The following PDE11A variants were observed in gnomAD, a reference collection of about 807,000 sequenced individuals.
PDE11A encodes the protein phosphodiesterase 11A.
PDE11A carries 100 observed loss-of-function variants against 100.5 expected under a neutral mutation model. The ratio of observed to expected loss-of-function variants is 1.00; its 90% CI spans 0.85 to 1.18. PDE11A has a LOEUF of 1.18. Among genes scored for constraint, PDE11A ranks in the 50% most tolerant of loss-of-function variants. PDE11A has a pLI of 0.00. For missense variants in PDE11A, 1,141 were observed against 1,152.6 expected, an observed-to-expected ratio of 0.99 and a Z score of 0.15; for synonymous variants, 381 against 420.8, an observed-to-expected ratio of 0.91 and a Z score of 1.16.
chr2:177,876,419 C>T (rs2084242778), intron 4 of PDE11A, among the ~76,000 whole-genome samples: 2 of 148,088 alleles, frequency 1.4e-5, no homozygotes, highest in Non-Finnish European at 1.5e-5. Flanking sequence ...GAGGAAGCCA[C>T]CTTATTCAAC....
At chr2:177,968,828 A>G (rs1265097973) in intron 2 of PDE11A, among the ~76,000 whole-genome samples, 3 of 152,242 alleles carry the variant, frequency 2.0e-5, no homozygotes, top group Admixed American at 1.3e-4. Flanking sequence ...TGGGAGGGTA[A>G]ATTAGTTCAA....
chr2:178,020,121 T>G (rs1231248006), intron 1 of PDE11A, among the ~76,000 whole-genome samples: 1 of 152,174 alleles, frequency 6.6e-6, no homozygotes, highest in Non-Finnish European at 1.5e-5. Flanking sequence ...TAAAACCTAT[T>G]GATGGGAAAT....
intron 16 of PDE11A, chr2:177,678,013 A>T (rs113728858): frequency 1.3e-5 from 2 of 152,374 alleles, no homozygotes; most frequent in African/African-American, 4.8e-5. Context: ...AATTGAGTAC[A>T]AAGATTTTGT....
rs573774381 is a variant in PDE11A at position 177,741,874 on chromosome 2, G to GA, written c.1789-13703dup. 7.5e-4 allele frequency among the ~76,000 whole-genome samples: 114 copies of GA among 151,940 alleles called. 1 individual carries two copies. Among genetic ancestry groups the GA allele is most frequent in the Admixed American group, 6.8e-3 (103 of 15,252 alleles). ...GCCTAGGCAAGATCCTATCTGTACA[G>GA]AAAAAAAATTAGCCGGGCACAGTGG... is the stretch of plus-strand genomic sequence containing the variant. On this transcript the variant is annotated intron_variant, in intron 10 of 19. Coordinates refer to ENST00000286063, the MANE Select transcript of PDE11A (RefSeq NM_016953.4).
At chr2:177,988,225 T>C (rs1409625174) in intron 2 of PDE11A, among the ~76,000 whole-genome samples, 1 of 152,238 alleles carries the variant, frequency 6.6e-6, no homozygotes, top group Non-Finnish European at 1.5e-5. Context: ...CACCTCTTGA[T>C]GCTTCCATGG....
intron 9 of PDE11A, among the ~76,000 whole-genome samples, chr2:177,771,792 G>T (rs1483314811): frequency 6.6e-6 from 1 of 151,902 alleles, no homozygotes; most frequent in Non-Finnish European, 1.5e-5. Flanking sequence ...CACCTGAGGT[G>T]AGGAGTTCAA....
At chr2:177,655,624 G>A (rs926985756) in intron 19 of PDE11A, among the ~76,000 whole-genome samples, 2 of 151,698 alleles carry the variant, frequency 1.3e-5, no homozygotes, top group African/African-American at 2.4e-5. Context: ...CTTCAGCCTC[G>A]AACTCCTGGG....
intron 10 of PDE11A, among the ~76,000 whole-genome samples, chr2:177,761,370 C>T (rs556393035): frequency 6.6e-6 from 1 of 152,252 alleles, no homozygotes; most frequent in East Asian, 1.9e-4. Context: ...CTTCAAAATT[C>T]CACCCAAGCA....
intron 2 of PDE11A, among the ~76,000 whole-genome samples, chr2:177,910,780 G>C (rs1209453962): frequency 6.6e-6 from 1 of 151,968 alleles, no homozygotes; most frequent in Non-Finnish European, 1.5e-5. Context: ...TTGAGCACTG[G>C]GCCTTCTATC....
chr2:177,818,010 C>A, intron 7 of PDE11A, 85 bp from the exon 8 acceptor site: 2 of 756,432 alleles, frequency 2.6e-6, no homozygotes, highest in South Asian at 1.4e-5. Flanking sequence ...TAACTCTATG[C>A]CTTTTTTAAG....
chr2:177,652,866 C>T (rs1346593330), intron 19 of PDE11A, among the ~76,000 whole-genome samples: 1 of 152,146 alleles, frequency 6.6e-6, no homozygotes, highest in Non-Finnish European at 1.5e-5. Context: ...CTCTGAATTC[C>T]CTTCTCTTTC....
At chr2:177,863,120 G>A (rs1574228540) in intron 5 of PDE11A, among the ~76,000 whole-genome samples, 1 of 151,760 alleles carries the variant, frequency 6.6e-6, no homozygotes, top group African/African-American at 2.4e-5. Flanking sequence ...TGGGAAAACT[G>A]GATTTCCAAA....
intron 13 of PDE11A, among the ~76,000 whole-genome samples, 164 bp downstream of exon 13, chr2:177,711,605 T>C (rs1174773302): frequency 6.6e-6 from 1 of 152,074 alleles, no homozygotes; most frequent in Non-Finnish European, 1.5e-5. Context: ...AAAAGAAGAA[T>C]AGGGAATTAT....
chr2:177,702,877 A>G (rs2081221953), intron 13 of PDE11A: 1 of 152,170 alleles, frequency 6.6e-6, no homozygotes, highest in Non-Finnish European at 1.5e-5. Context: ...TCTTGCCTTA[A>G]TTTATATTAT....
chr2:177,846,151 A>G (rs570506677), intron 5 of PDE11A, among the ~76,000 whole-genome samples: 11 of 152,282 alleles, frequency 7.2e-5, no homozygotes, highest in African/African-American at 2.2e-4. Context: ...TCTCTTCTTT[A>G]CAAACAAAAG....
intron 2 of PDE11A, among the ~76,000 whole-genome samples, chr2:177,961,494 A>G (rs968595572): frequency 7.2e-5 from 11 of 152,106 alleles, no homozygotes; most frequent in Non-Finnish European, 1.6e-4. Context: ...ATTTTTTCCC[A>G]TATTCACATA....
chr2:178,050,706 G>T (rs996741563), intron 1 of PDE11A, among the ~76,000 whole-genome samples: 1 of 152,164 alleles, frequency 6.6e-6, no homozygotes, highest in Non-Finnish European at 1.5e-5. Context: ...ACTACGTGAC[G>T]CATGCACAAG....
chr2:177,678,825 T>C (rs1247461416), intron 16 of PDE11A, among the ~76,000 whole-genome samples: 6 of 151,966 alleles, frequency 3.9e-5, no homozygotes, highest in Non-Finnish European at 7.4e-5. Context: ...AACTCAGAAA[T>C]GGCATTTCAG....
intron 5 of PDE11A, among the ~76,000 whole-genome samples, chr2:177,863,234 G>C (rs1463128302): frequency 6.6e-6 from 1 of 151,836 alleles, no homozygotes; most frequent in Non-Finnish European, 1.5e-5. Context: ...ATTCCTAGAG[G>C]ATAACATAGG....
Sources: allele counts gnomAD v4.1 joint callset (sites outside exome capture counted in the v4.1 genomes callset), GRCh38; gene constraint gnomAD v4.1.1; transcripts MANE v1.5; gene names NCBI Gene and HGNC (gene_info 2026-07-23, HGNC 2026-07-21).